The following N4BP2L2 variants were observed in gnomAD, a reference collection of about 807,000 sequenced individuals.
N4BP2L2 encodes NEDD4 binding protein 2 like 2.
Under a neutral mutation model 56.2 loss-of-function variants are expected in N4BP2L2, and 50 were observed. The observed-to-expected ratio is 0.89, with a 90% confidence interval of 0.71 to 1.13. The LOEUF is 1.13. Among genes scored for constraint, N4BP2L2 ranks in the 50% most tolerant of loss-of-function variants. N4BP2L2 has a pLI of 0.00. For missense variants in N4BP2L2, 689 were observed against 693.8 expected, an observed-to-expected ratio of 0.99 and a Z score of 0.08; for synonymous variants, 203 against 223.6, an observed-to-expected ratio of 0.91 and a Z score of 0.82.
chr13:32,475,472 G>A (rs188534146), intron 6 of N4BP2L2, among the ~76,000 whole-genome samples: 4 of 152,244 alleles, frequency 2.6e-5, no homozygotes, highest in South Asian at 2.1e-4. Context: ...TTGAGGAGGC[G>A]GTGTCTGATT....
exon 6 of N4BP2L2, chr13:32,514,742 A>G (rs971743639): frequency 6.6e-6 from 1 of 152,250 alleles, no homozygotes; most frequent in Non-Finnish European, 1.5e-5. Context: ...GACTTTAAAC[A>G]GTGATTTTAG....
exon 7 of N4BP2L2, chr13:32,443,171 T>C (rs1393820796): frequency 4.3e-6 from 7 of 1,613,966 alleles, no homozygotes; most frequent in Admixed American, 1.7e-5. Flanking sequence ...AATGAATCCA[T>C]AGTTTCAGGT....
chr13:32,483,752 T>C (rs1245080023), intron 6 of N4BP2L2, among the ~76,000 whole-genome samples: 1 of 152,122 alleles, frequency 6.6e-6, no homozygotes, highest in Non-Finnish European at 1.5e-5. Context: ...CATTACATAA[T>C]ACATTTACAA....
chr13:32,501,327 T>C (rs2089959855), intron 6 of N4BP2L2, among the ~76,000 whole-genome samples: 1 of 151,984 alleles, frequency 6.6e-6, no homozygotes, highest in Admixed American at 6.5e-5. Flanking sequence ...ACATTACACA[T>C]AATGTTACGT....
At chr13:32,492,868 CAG>C (rs1566120502) in intron 6 of N4BP2L2, among the ~76,000 whole-genome samples, 1 of 148,456 alleles carries the variant, frequency 6.7e-6, no homozygotes, top group Non-Finnish European at 1.5e-5. Context: ...ATCATTTATA[CAG>C]AGACATAGAA....
intron 6 of N4BP2L2, among the ~76,000 whole-genome samples, chr13:32,452,063 CTTT>C (rs755677854): frequency 3.3e-5 from 2 of 60,678 alleles, no homozygotes; most frequent in Non-Finnish European, 4.9e-5. Context: ...TTTTCTTTTT[CTTT>C]TTTTTTTTTT....
intron 6 of N4BP2L2, among the ~76,000 whole-genome samples, chr13:32,463,574 G>A (rs1362745493): frequency 6.7e-6 from 1 of 149,628 alleles, no homozygotes; most frequent in African/African-American, 2.5e-5. Context: ...TGAGGCAGGA[G>A]AATCGCTTGA....
chr13:32,519,843 G>T (rs1432566614), intron 5 of N4BP2L2, among the ~76,000 whole-genome samples: 6 of 151,940 alleles, frequency 3.9e-5, no homozygotes, highest in African/African-American at 1.5e-4. Context: ...GTTATATAAA[G>T]GTAAATTTAT....
intron 6 of N4BP2L2, among the ~76,000 whole-genome samples, chr13:32,457,848 TA>T (rs2079235428): frequency 6.6e-6 from 1 of 152,154 alleles, no homozygotes; most frequent in African/African-American, 2.4e-5. Flanking sequence ...ATGTTACTAC[TA>T]TTGAAAACCA....
At chr13:32,438,596 T>G in intron 8 of N4BP2L2, 1 of 1,393,454 alleles carries the variant, frequency 7.2e-7, no homozygotes, top group Non-Finnish European at 9.9e-7. Context: ...TGAAACTCCG[T>G]CTCAAACAAC....
At chr13:32,467,172 G>T (rs1039941459) in intron 6 of N4BP2L2, among the ~76,000 whole-genome samples, 2 of 151,982 alleles carry the variant, frequency 1.3e-5, no homozygotes, top group Admixed American at 1.3e-4. Flanking sequence ...TAGAGATAAC[G>T]TGAAGATGAA....
At chr13:32,538,463 G>A (rs1487783606) in intron 1 of N4BP2L2, among the ~76,000 whole-genome samples, 155 bp downstream of exon 1, 1 of 152,116 alleles carries the variant, frequency 6.6e-6, no homozygotes, top group African/African-American at 2.4e-5. Context: ...GACACGCTCA[G>A]GTCCTGTCCA....
At chr13:32,530,312 A>G (rs56887514) in intron 2 of N4BP2L2, among the ~76,000 whole-genome samples, 8,715 of 152,280 alleles carry the variant, frequency 0.057, 845 homozygotes, top group African/African-American at 0.2. Context: ...ACTTCAAACC[A>G]TGAAGCTTTA....
At chr13:32,532,598 T>C (rs546927357) in intron 2 of N4BP2L2, among the ~76,000 whole-genome samples, 2 of 148,460 alleles carry the variant, frequency 1.3e-5, no homozygotes, top group East Asian at 1.9e-4. Context: ...TTCTTTTTTT[T>C]TTTTTTTTTT....
intron 1 of N4BP2L2, among the ~76,000 whole-genome samples, chr13:32,537,817 A>C (rs1003420217): frequency 9.9e-5 from 15 of 152,212 alleles, no homozygotes; most frequent in Non-Finnish European, 1.5e-4. Flanking sequence ...TCAAGCCTGT[A>C]ATCCCAGCAC....
At chr13:32,477,254 C>G in intron 6 of N4BP2L2, 1 of 305,294 alleles carries the variant, frequency 3.3e-6, no homozygotes, top group Non-Finnish European at 6.3e-6. Flanking sequence ...GGCTAAAAGG[C>G]TGCACCATTT....
chr13:32,511,279 T>C (rs200416180), exon 6 of N4BP2L2: 1 of 152,174 alleles, frequency 6.6e-6, no homozygotes, highest in Non-Finnish European at 1.5e-5. Flanking sequence ...TGCAGCGGCA[T>C]TGCACCATAT....
chr13:32,531,534 C>G (rs1160698219), intron 2 of N4BP2L2, among the ~76,000 whole-genome samples: 1 of 152,172 alleles, frequency 6.6e-6, no homozygotes, highest in Non-Finnish European at 1.5e-5. Context: ...TCCTCCTTAT[C>G]TACTGAGTGC....
chr13:32,535,681 T>A (rs779892961), intron 2 of N4BP2L2, 88 bp downstream of exon 2: 68 of 1,412,398 alleles, frequency 4.8e-5, no homozygotes, highest in Non-Finnish European at 6.3e-5. Flanking sequence ...TGGGATTACA[T>A]GCATGAGTCA....
Sources: gnomAD v4.1 joint callset for allele counts (sites outside exome capture counted in the v4.1 genomes callset) on GRCh38, gnomAD v4.1.1 for gene constraint, MANE v1.5 for transcripts, NCBI Gene and HGNC (gene_info 2026-07-23, HGNC 2026-07-21) for gene names.